Variants in B3GALT1 observed in about 807,000 individuals in gnomAD.
B3GALT1 encodes the protein UDP-Gal:betaGlcNAc beta 1,3-galactosyltransferase, polypeptide 1.
B3GALT1 carries 10 observed loss-of-function variants against 23.2 expected under a neutral mutation model. The observed-to-expected ratio is 0.43, with a 90% CI of 0.27 to 0.73. The LOEUF (loss-of-function observed/expected upper bound fraction) is 0.73, where lower values mean the gene tolerates loss of function less well. Ranked by LOEUF, B3GALT1 falls within the 30% of genes least tolerant of loss-of-function variation. The pLI, the probability that B3GALT1 is intolerant of heterozygous loss-of-function variation, is 0.21. For missense variants in B3GALT1, 299 were observed against 405.4 expected (o/e 0.74, Z 2.25); for synonymous variants, 156 against 141.5 (o/e 1.10, Z -0.73).
chr2:167,649,153 T>C (rs1685811252), intron 3 of B3GALT1, among the ~76,000 whole-genome samples: 1 of 152,116 alleles, frequency 6.6e-6, no homozygotes, highest in Non-Finnish European at 1.5e-5. Flanking sequence ...TCCCTTACTT[T>C]TTATTTTTTA....
intron 1 of B3GALT1, among the ~76,000 whole-genome samples, chr2:167,403,115 T>C (rs1478325702): frequency 6.6e-6 from 1 of 151,876 alleles, no homozygotes; most frequent in South Asian, 2.1e-4. Flanking sequence ...GTTGGTTTGC[T>C]GCCCCCATCA....
intron 1 of B3GALT1, among the ~76,000 whole-genome samples, chr2:167,404,184 G>T (rs893326155): frequency 6.6e-6 from 1 of 152,084 alleles, no homozygotes; most frequent in African/African-American, 2.4e-5. Context: ...AGGAAAAGGG[G>T]AGGCAGGTGC....
At chr2:167,337,305 G>A (rs1380294829) in intron 1 of B3GALT1, among the ~76,000 whole-genome samples, 2 of 151,946 alleles carry the variant, frequency 1.3e-5, no homozygotes, top group African/African-American at 4.8e-5. Context: ...TCTGGAGAGA[G>A]AATATCCGTC....
At chr2:167,442,365 A>G (rs79139371) in intron 1 of B3GALT1, among the ~76,000 whole-genome samples, 1 of 152,172 alleles carries the variant, frequency 6.6e-6, no homozygotes, top group Non-Finnish European at 1.5e-5. Flanking sequence ...TTATAGCATC[A>G]TGATTTATAG....
At chr2:167,729,334 C>T (rs1687371089) in intron 3 of B3GALT1, among the ~76,000 whole-genome samples, 1 of 152,202 alleles carries the variant, frequency 6.6e-6, no homozygotes, top group Admixed American at 6.5e-5. Context: ...ACCTGAATGG[C>T]ACACTCATTA....
chr2:167,840,685 C>G (rs1308543471), intron 4 of B3GALT1, among the ~76,000 whole-genome samples: 1 of 151,720 alleles, frequency 6.6e-6, no homozygotes. Context: ...GCTATATACC[C>G]AAAGGATTAT....
chr2:167,672,287 C>T (rs924496298), intron 3 of B3GALT1, among the ~76,000 whole-genome samples: 2 of 152,090 alleles, frequency 1.3e-5, no homozygotes, highest in African/African-American at 4.8e-5. Context: ...TGCATACCAA[C>T]ACAACCTAAA....
At chr2:167,381,028 G>A (rs1225055362) in intron 1 of B3GALT1, among the ~76,000 whole-genome samples, 8 of 151,934 alleles carry the variant, frequency 5.3e-5, no homozygotes, top group African/African-American at 1.5e-4. Flanking sequence ...ATTCATCATC[G>A]TGGGGAAAAA....
chr2:167,316,844 C>G (rs1282780767), intron 1 of B3GALT1, among the ~76,000 whole-genome samples: 1 of 152,078 alleles, frequency 6.6e-6, no homozygotes, highest in East Asian at 1.9e-4. Flanking sequence ...CACTCGAGTC[C>G]TTGTCACAGG....
At chr2:167,855,959 C>A (rs1246490169) in intron 4 of B3GALT1, among the ~76,000 whole-genome samples, 3 of 151,404 alleles carry the variant, frequency 2.0e-5, no homozygotes, top group Admixed American at 1.3e-4. Flanking sequence ...TAAACAACAA[C>A]AAAAAAAATA....
chr2:167,638,328 T>A (rs924531871), intron 2 of B3GALT1, among the ~76,000 whole-genome samples: 1 of 152,118 alleles, frequency 6.6e-6, no homozygotes, highest in African/African-American at 2.4e-5. Flanking sequence ...GCAGTCATAT[T>A]TCATAAATGA....
At chr2:167,617,493 A>G (rs1310767515) in intron 2 of B3GALT1, among the ~76,000 whole-genome samples, 1 of 152,082 alleles carries the variant, frequency 6.6e-6, no homozygotes, top group African/African-American at 2.4e-5. Flanking sequence ...CCGCCTATAC[A>G]GAATTAGGGT....
chr2:167,654,879 T>C (rs908973055), intron 3 of B3GALT1, among the ~76,000 whole-genome samples: 1 of 151,498 alleles, frequency 6.6e-6, no homozygotes, highest in African/African-American at 2.4e-5. Context: ...TTATAGTCCC[T>C]CTCCCCCAGG....
chr2:167,646,934 CA>C lies in B3GALT1; in HGVS notation c.-383del, dbSNP rs1685757143. On this transcript the variant is annotated 5_prime_UTR_variant, in exon 3 of 5. An upstream open reading frame in the 5' UTR loses its in-frame stop. Coordinates refer to ENST00000392690, the MANE Select transcript of B3GALT1 (RefSeq NM_020981.4). ...TTCTCTTGCTGTGCTGCTGGGTCCT[CA>C]GAAGTGTTCTGGAGATCGCCTCTTT... Among the ~76,000 whole-genome samples the C allele has an allele frequency of 6.6e-6, 1 of 152,070 alleles. No individual in the cohort carries two copies. The highest frequency in any genetic ancestry group is 2.4e-5 in the African/African-American group (1 of 41,390).
At chr2:167,476,388 G>A (rs1699486877) in intron 1 of B3GALT1, among the ~76,000 whole-genome samples, 1 of 152,192 alleles carries the variant, frequency 6.6e-6, no homozygotes, top group African/African-American at 2.4e-5. Context: ...ATGGTCTGGA[G>A]TTTAGAAAAT....
At chr2:167,495,679 C>A (rs1348731882) in intron 2 of B3GALT1, among the ~76,000 whole-genome samples, 4 of 152,062 alleles carry the variant, frequency 2.6e-5, no homozygotes. Flanking sequence ...ATACCCCTTC[C>A]CCAGAGTCCC....
chr2:167,765,459 A>C (rs1011996999), intron 3 of B3GALT1, among the ~76,000 whole-genome samples: 3 of 152,208 alleles, frequency 2.0e-5, no homozygotes, highest in African/African-American at 7.2e-5. Context: ...GGTTGGTTGG[A>C]GCAAATGACA....
At chr2:167,781,066 G>A (rs553874950) in intron 3 of B3GALT1, among the ~76,000 whole-genome samples, 10 of 152,298 alleles carry the variant, frequency 6.6e-5, no homozygotes, top group African/African-American at 2.2e-4. Flanking sequence ...ACCTAGTCCA[G>A]CACATAGTTG....
intron 1 of B3GALT1, among the ~76,000 whole-genome samples, chr2:167,417,206 G>C (rs1340874416): frequency 6.6e-6 from 1 of 152,032 alleles, no homozygotes; most frequent in Non-Finnish European, 1.5e-5. Flanking sequence ...GAGGTGATTG[G>C]GTCATGAGCA....
Sources: allele counts gnomAD v4.1 joint callset (sites outside exome capture counted in the v4.1 genomes callset), GRCh38; gene constraint gnomAD v4.1.1; transcripts MANE v1.5; gene names NCBI Gene and HGNC (gene_info 2026-07-23, HGNC 2026-07-21).